Variants in CDC42BPA observed in about 807,000 individuals in gnomAD.
The protein encoded by CDC42BPA is serine/threonine-protein kinase MRCK alpha.
A neutral mutation model predicts 223.5 loss-of-function variants in CDC42BPA; 80 were observed. The observed-to-expected ratio is 0.36, with a 90% CI of 0.30 to 0.43. The LOEUF (loss-of-function observed/expected upper bound fraction) is 0.43. Among genes scored for constraint, CDC42BPA ranks in the 20% least tolerant of loss-of-function variants. The pLI is 1.00. For synonymous variants in CDC42BPA, 694 were observed against 718.6 expected, an observed-to-expected ratio of 0.97 and a Z score of 0.55; for missense variants, 1,743 against 2,099.9, an observed-to-expected ratio of 0.83 and a Z score of 3.32.
At chr1:227,168,497 G>GTTTTTTTTTTTTTGTTTTTTGTT (rs1665488488) in intron 5 of CDC42BPA, among the ~76,000 whole-genome samples, 3 of 80,194 alleles carry the variant, frequency 3.7e-5, no homozygotes, top group African/African-American at 1.5e-4. Context: ...CTTCCCTGGT[G>GTTTTTTTTTTTTTGTTTTTTGTT]TTTTTTTTTT....
chr1:227,064,405 T>C (rs941174857), intron 21 of CDC42BPA, among the ~76,000 whole-genome samples: 1 of 152,228 alleles, frequency 6.6e-6, no homozygotes. Flanking sequence ...GTATTATCTA[T>C]AATACTCTCA....
At chr1:227,013,229 T>A (rs1317313087) in intron 34 of CDC42BPA, among the ~76,000 whole-genome samples, 3 of 152,102 alleles carry the variant, frequency 2.0e-5, no homozygotes, top group Admixed American at 2.0e-4. Context: ...CTTGTGTTAA[T>A]GCCAAAAAGA....
chr1:227,006,911 C>CCTG (rs1207770585), intron 34 of CDC42BPA, among the ~76,000 whole-genome samples: 1 of 67,024 alleles, frequency 1.5e-5, no homozygotes, highest in Non-Finnish European at 3.1e-5. Flanking sequence ...TGCACTCCGG[C>CCTG]CTGGGCGTGC....
At chr1:226,999,016 T>C (rs941619975) in intron 35 of CDC42BPA, among the ~76,000 whole-genome samples, 1 of 151,998 alleles carries the variant, frequency 6.6e-6, no homozygotes, top group East Asian at 1.9e-4. Context: ...AAGAAGACAT[T>C]TATGCGGCCA....
chr1:227,214,945 G>A (rs1312722981), intron 2 of CDC42BPA, among the ~76,000 whole-genome samples: 2 of 152,062 alleles, frequency 1.3e-5, no homozygotes, highest in African/African-American at 4.8e-5. Context: ...TCCCTTATCT[G>A]CAATTCTCAA....
At chr1:227,302,184 C>T (rs530292864) in intron 1 of CDC42BPA, among the ~76,000 whole-genome samples, 15 of 152,188 alleles carry the variant, frequency 9.9e-5, no homozygotes, top group Non-Finnish European at 1.9e-4. Context: ...TATCCTGTTA[C>T]TTCCTCATCT....
intron 35 of CDC42BPA, among the ~76,000 whole-genome samples, chr1:227,003,526 C>T (rs3738729): frequency 0.38 from 57,399 of 152,044 alleles, 11,498 homozygotes; most frequent in Non-Finnish European, 0.46. Flanking sequence ...CAGGAAATAT[C>T]TTAGATCGCA....
chr1:227,042,874 G>A (rs1467206620), intron 23 of CDC42BPA, among the ~76,000 whole-genome samples: 1 of 152,208 alleles, frequency 6.6e-6, no homozygotes, highest in South Asian at 2.1e-4. Flanking sequence ...TTTCAAAGTG[G>A]TGATTAGAAA....
chr1:227,058,552 T>G (rs1042721673), intron 21 of CDC42BPA, among the ~76,000 whole-genome samples: 2 of 152,218 alleles, frequency 1.3e-5, no homozygotes, highest in African/African-American at 4.8e-5. Flanking sequence ...CCCAACACTG[T>G]CAGCTACCCT....
chr1:227,306,697 T>C lies in CDC42BPA; in HGVS notation c.178+10308A>G, dbSNP rs570663076. Among the ~76,000 whole-genome samples, 291 of 152,304 alleles carry C rather than the reference T, an allele frequency of 1.9e-3. 3 individuals are homozygous for C. The highest frequency in any genetic ancestry group is 6.1e-3 in the African/African-American group (254 of 41,564). On this transcript the variant is annotated intron_variant, in intron 1 of 36. Transcript: ENST00000366766. ...TCACTACATACCCGAACTTAGTCTG[T>C]TGTTAAATGTTTGTTAGTTATGCTT...
intron 21 of CDC42BPA, among the ~76,000 whole-genome samples, chr1:227,066,603 C>G (rs1027584135): frequency 5.9e-5 from 9 of 151,862 alleles, no homozygotes; most frequent in Non-Finnish European, 1.3e-4. Context: ...GGTACAAACT[C>G]TAAAGAGAAA....
At position 227,072,172 on chromosome 1, in the gene CDC42BPA, G is replaced by A. The variant is rs747238985; in HGVS notation, c.2827+36C>T. 249 of 1,093,518 alleles carry A rather than the reference G, an allele frequency of 2.3e-4. 1 individual carries two copies. In the South Asian group the frequency reaches 3.2e-3, roughly 14 times the overall value. The allele number at this position is 1,093,518 out of a possible 1,614,324, so 67.7% of individuals were successfully genotyped here. A position where few individuals can be genotyped will look rare whatever the true frequency, so the allele number is the denominator to read the frequency against. On this transcript the variant is annotated intron_variant, in intron 20 of 36. Coordinates refer to ENST00000366766, the MANE Select transcript of CDC42BPA (RefSeq NM_001394014.1). ...AATAAAATATATTTATAACATAACA[G>A]TAAGTCCTGAGTGAGGCAAACACAC... is the stretch of plus-strand genomic sequence containing the variant.
intron 10 of CDC42BPA, among the ~76,000 whole-genome samples, chr1:227,132,980 A>AC (rs1264578082): frequency 7.1e-6 from 1 of 141,048 alleles, no homozygotes; most frequent in Non-Finnish European, 1.5e-5. Context: ...TCCGGCAGCC[A>AC]CCCCGTCTGG....
In CDC42BPA at chr1:226,994,266, G is replaced by C; in HGVS notation, c.*2C>G. On this transcript the variant is annotated 3_prime_UTR_variant, in exon 37 of 37. Coordinates refer to ENST00000366766, the MANE Select transcript of CDC42BPA (RefSeq NM_001394014.1). The surrounding 1 kb of genome is among the most constrained non-coding windows in gnomAD (Gnocchi z 4.0). ...AGCGAGAGGTCCCAGTGCTGAGGCA[G>C]CTCACGGGTCCCAGCTCCCGCGGTC... The C allele has an allele frequency of 6.4e-7, 1 of 1,574,300 alleles. No homozygotes were observed. Among genetic ancestry groups the C allele is most frequent in the South Asian group, 1.2e-5 (1 of 86,430 alleles).
intron 1 of CDC42BPA, among the ~76,000 whole-genome samples, chr1:227,277,850 C>T (rs1687369006): frequency 6.6e-6 from 1 of 152,058 alleles, no homozygotes; most frequent in African/African-American, 2.4e-5. Context: ...CCATGGTTCA[C>T]ATCATTCTCC....
At chr1:227,098,590 A>C (rs1193445193) in intron 15 of CDC42BPA, among the ~76,000 whole-genome samples, 1 of 152,008 alleles carries the variant, frequency 6.6e-6, no homozygotes, top group East Asian at 1.9e-4. Context: ...TGGACCAAAA[A>C]CCTTAGTATC....
intron 5 of CDC42BPA, among the ~76,000 whole-genome samples, chr1:227,185,207 G>T (rs1668562661): frequency 6.6e-6 from 1 of 151,870 alleles, no homozygotes; most frequent in African/African-American, 2.4e-5. Flanking sequence ...ATTGAGGTAG[G>T]AGTTATTAAG....
At position 227,014,722 on chromosome 1, in the gene CDC42BPA, A is replaced by G. The variant is rs1665873838; in HGVS notation, c.4857+1358T>C. On this transcript the variant is annotated intron_variant, in intron 34 of 36. Coordinates refer to ENST00000366766, the MANE Select transcript of CDC42BPA (RefSeq NM_001394014.1). ...TCCTTAGAGAGCAATTTGGGTCAAG[A>G]TTCACAAATCATCTCCCAAATGGCC... is the stretch of plus-strand genomic sequence containing the variant. Among the ~76,000 whole-genome samples the G allele has an allele frequency of 2.0e-5, 3 of 152,186 alleles. No individual in the cohort carries two copies. In the South Asian group the frequency reaches 6.2e-4, roughly 32 times the overall value.
At position 227,317,420 on chromosome 1, in the gene CDC42BPA, C is replaced by G. The variant is rs1694580026; in HGVS notation, c.-238G>C. On this transcript the variant is annotated 5_prime_UTR_variant, in exon 1 of 37. Coordinates refer to ENST00000366766, the MANE Select transcript of CDC42BPA (RefSeq NM_001394014.1). ...AGGGTAAATTACCATAAAATATATACTTAATGCATTTTTAAAAGAATACAA... is the reference window on the plus strand; with the variant it reads ...AGGGTAAATTACCATAAAATATATAGTTAATGCATTTTTAAAAGAATACAA... The G allele has an allele frequency of 2.4e-6, 1 of 413,740 alleles. No homozygotes were observed. The allele number at this position is 413,740 out of a possible 1,614,324, so 25.6% of individuals were successfully genotyped here. A position where few individuals can be genotyped will look rare whatever the true frequency, so the allele number is the denominator to read the frequency against.
Sources: gnomAD v4.1 joint callset for allele counts (sites outside exome capture counted in the v4.1 genomes callset) on GRCh38, gnomAD v4.1.1 for gene constraint, Gnocchi (gnomAD v3.1) non-coding constraint, MANE v1.5 for transcripts, NCBI Gene and HGNC (gene_info 2026-07-23, HGNC 2026-07-21) for gene names.